The following BCORL1 variants were observed in gnomAD, a reference collection of about 807,000 sequenced individuals.
BCORL1 encodes BCL6 corepressor like 1.
BCORL1 carries 7 observed loss-of-function variants against 87.6 expected under a neutral mutation model. The observed-to-expected ratio is 0.08, with a 90% CI of 0.05 to 0.15. The LOEUF is 0.15. BCORL1 is among the 10% of genes least tolerant of loss of function. BCORL1 has a pLI of 1.00. For missense variants in BCORL1, 1,215 were observed against 1,499.7 expected (o/e 0.81, Z 3.13); for synonymous variants, 591 against 634.4 (o/e 0.93, Z 1.03).
intron 8 of BCORL1, among the ~76,000 whole-genome samples, chrX:130,033,811 C>T (rs1471647951): frequency 2.7e-5 from 3 of 110,454 alleles, no homozygotes; most frequent in Middle Eastern, 4.6e-3. Flanking sequence ...GGCGAAACCC[C>T]TCTCTACTAA....
intron 11 of BCORL1, 99 bp downstream of exon 11, chrX:130,039,381 C>G (rs1931181494): frequency 2.0e-6 from 2 of 1,023,210 alleles, no homozygotes; most frequent in African/African-American, 3.7e-5. Context: ...CCTTGAACAG[C>G]TCCCATGAGG....
At chrX:130,038,194 C>CT in intron 10 of BCORL1, among the ~76,000 whole-genome samples, 1 of 111,930 alleles carries the variant, frequency 8.9e-6, no homozygotes, top group East Asian at 2.8e-4. Context: ...AGAATAGAAA[C>CT]TGAGAGGTTG....
At chrX:130,010,959 G>A (rs914987361) in intron 2 of BCORL1, among the ~76,000 whole-genome samples, 21 of 87,526 alleles carry the variant, frequency 2.4e-4, no homozygotes, top group South Asian at 2.1e-3. Flanking sequence ...GATCGAGATC[G>A]TGCCACTGCA....
At chrX:130,044,014 G>A (rs934924550) in intron 11 of BCORL1, among the ~76,000 whole-genome samples, 8 of 104,139 alleles carry the variant, frequency 7.7e-5, no homozygotes, top group African/African-American at 1.4e-4. Context: ...CTCGTGATCC[G>A]CTCGCCTCGG....
chrX:130,026,292 T>C (rs774111600), intron 7 of BCORL1, among the ~76,000 whole-genome samples: 56 of 112,448 alleles, frequency 5.0e-4, no homozygotes, highest in Admixed American at 3.6e-3. Flanking sequence ...TAACCTCATA[T>C]TGAGTGGGTA....
At chrX:130,054,104 A>G (rs1486601163) in intron 13 of BCORL1, among the ~76,000 whole-genome samples, 1 of 112,279 alleles carries the variant, frequency 8.9e-6, no homozygotes, top group Non-Finnish European at 1.9e-5. Context: ...AGAATCCACC[A>G]TCTAGTGCAG....
At chrX:129,982,507 G>A (rs901908995), upstream of BCORL1, 1 of 103,670 alleles carries the variant, frequency 9.6e-6, no homozygotes, top group East Asian at 3.4e-4. Flanking sequence ...GTTGTAGTCC[G>A]GTGGAGCGGG....
intron 5 of BCORL1, among the ~76,000 whole-genome samples, chrX:130,021,483 C>T (rs779575510): frequency 1.1e-4 from 12 of 112,190 alleles, no homozygotes; most frequent in African/African-American, 1.6e-4. Flanking sequence ...ACAAAAACCA[C>T]GGAATGGGGG....
At chrX:130,028,100 A>G (rs1930355529) in intron 7 of BCORL1, among the ~76,000 whole-genome samples, 1 of 111,819 alleles carries the variant, frequency 8.9e-6, no homozygotes, top group South Asian at 3.7e-4. Context: ...TTCTAGTTTC[A>G]GGGAGTTCCT....
chrX:130,035,315 T>C (rs1400754855), intron 9 of BCORL1, among the ~76,000 whole-genome samples: 2 of 112,371 alleles, frequency 1.8e-5, no homozygotes, highest in African/African-American at 6.5e-5. Context: ...ACTACGCATA[T>C]GAGTCTGAAT....
At chrX:129,988,320 C>T (rs189588004) in intron 1 of BCORL1, among the ~76,000 whole-genome samples, 7 of 111,555 alleles carry the variant, frequency 6.3e-5, no homozygotes, top group African/African-American at 9.7e-5. Flanking sequence ...CTTTCTTTGG[C>T]GAACTGAAGT....
intron 2 of BCORL1, among the ~76,000 whole-genome samples, 197 bp downstream of exon 2, chrX:130,005,514 T>C (rs1015805785): frequency 9.0e-6 from 1 of 111,696 alleles, no homozygotes; most frequent in Admixed American, 9.5e-5. Context: ...TCTTTTCAGA[T>C]GAAGGTGAGG....
At chrX:130,027,548 G>A (rs531654457) in intron 7 of BCORL1, among the ~76,000 whole-genome samples, 1 of 112,714 alleles carries the variant, frequency 8.9e-6, no homozygotes, top group Admixed American at 9.4e-5. Context: ...TTCAATCTCA[G>A]TCCCTTCATT....
At chrX:130,051,021 G>A (rs1231861863) in intron 12 of BCORL1, among the ~76,000 whole-genome samples, 1 of 111,261 alleles carries the variant, frequency 9.0e-6, no homozygotes, top group Non-Finnish European at 1.9e-5. Context: ...CCCCACCCTG[G>A]GCATTTAAAA....
intron 11 of BCORL1, among the ~76,000 whole-genome samples, chrX:130,039,816 G>A (rs1192443924): frequency 8.9e-6 from 1 of 112,810 alleles, no homozygotes; most frequent in Non-Finnish European, 1.9e-5. Context: ...CCTTCCTTCC[G>A]TTCCTTTTCC....
chrX:129,995,534 A>T (rs1403256052), intron 1 of BCORL1, among the ~76,000 whole-genome samples: 2 of 110,991 alleles, frequency 1.8e-5, no homozygotes, highest in Non-Finnish European at 3.8e-5. Context: ...TTTGCCTCCC[A>T]GGTTCAAGTG....
intron 1 of BCORL1, among the ~76,000 whole-genome samples, chrX:129,987,946 T>C (rs1038903908): frequency 5.4e-5 from 6 of 111,280 alleles, no homozygotes; most frequent in African/African-American, 2.0e-4. Flanking sequence ...AGTGACACAA[T>C]TGTTGGGGTA....
At chrX:130,018,331 G>A (rs1177320757) in intron 4 of BCORL1, among the ~76,000 whole-genome samples, 1 of 111,922 alleles carries the variant, frequency 8.9e-6, no homozygotes, top group Non-Finnish European at 1.9e-5. Context: ...GAGTTGGGGA[G>A]TGACTGTTTA....
chrX:130,046,570 G>A (rs1360936900), intron 11 of BCORL1, among the ~76,000 whole-genome samples: 3 of 105,999 alleles, frequency 2.8e-5, no homozygotes, highest in Admixed American at 1.0e-4. Context: ...TTTTTGAGAC[G>A]GAGTCTCGCT....
Sources: gnomAD v4.1 joint callset for allele counts (sites outside exome capture counted in the v4.1 genomes callset) on GRCh38, gnomAD v4.1.1 for gene constraint, MANE v1.5 for transcripts, NCBI Gene and HGNC (gene_info 2026-07-23, HGNC 2026-07-21) for gene names.